Variants in TRIP12 observed in about 807,000 individuals in gnomAD.
TRIP12 encodes the protein thyroid hormone receptor interactor 12.
TRIP12 carries 25 observed loss-of-function variants against 244.2 expected under a neutral mutation model. The ratio of observed to expected loss-of-function variants is 0.10; its 90% confidence interval spans 0.07 to 0.14. TRIP12 has a LOEUF of 0.14. Among genes scored for constraint, TRIP12 ranks in the 10% least tolerant of loss-of-function variants. TRIP12 has a pLI of 1.00. For missense variants in TRIP12, 1,677 were observed against 2,486.4 expected (o/e 0.67, Z 6.92); for synonymous variants, 905 against 873.1 (o/e 1.04, Z -0.64).
chr2:229,903,677 A>G (rs1221118374), intron 1 of TRIP12, among the ~76,000 whole-genome samples: 1 of 152,120 alleles, frequency 6.6e-6, no homozygotes, highest in South Asian at 2.1e-4. Flanking sequence ...AATGCAAGAT[A>G]CTCCAAGGTA....
Position 229,778,355 on chromosome 2 carries a change from G to A in TRIP12, c.5364+78C>T. On this transcript the variant is annotated intron_variant, in intron 36 of 41. Coordinates refer to ENST00000675903, the MANE Select transcript of TRIP12 (RefSeq NM_001348323.3). The surrounding 1 kb of genome is among the most constrained non-coding windows in gnomAD (Gnocchi z 4.1). ...AGAAGCATTGCTCTAAACTATAGCA[G>A]TAAACTACAGGGGACTGAGGTACTT... 2 of 1,539,500 alleles carry A rather than the reference G, an allele frequency of 1.3e-6. No individual in the cohort carries two copies. The highest frequency in any genetic ancestry group is 1.8e-6 in the Non-Finnish European group (2 of 1,127,112).
intron 1 of TRIP12, among the ~76,000 whole-genome samples, chr2:229,914,377 T>TGG (rs1487772570): frequency 7.2e-5 from 11 of 152,104 alleles, no homozygotes; most frequent in Admixed American, 5.9e-4. Flanking sequence ...TACGAAACAC[T>TGG]GGGGTCTGAG....
intron 4 of TRIP12, among the ~76,000 whole-genome samples, chr2:229,858,053 A>C (rs981644394): frequency 6.6e-6 from 1 of 152,210 alleles, no homozygotes; most frequent in Non-Finnish European, 1.5e-5. Flanking sequence ...TCTACACATC[A>C]AGAATATCTC....
intron 1 of TRIP12, among the ~76,000 whole-genome samples, chr2:229,897,523 C>CT (rs1229980920): frequency 6.6e-6 from 1 of 152,288 alleles, no homozygotes; most frequent in East Asian, 1.9e-4. Context: ...TGGCATGCGC[C>CT]TGTAATCCCA....
chr2:229,811,092 A>G (rs1458243054), intron 14 of TRIP12, 44 bp downstream of exon 14: 1 of 1,613,634 alleles, frequency 6.2e-7, no homozygotes, highest in Non-Finnish European at 8.5e-7. Context: ...AGATTCAGCA[A>G]TTCAACAACC....
rs2042902720 is a variant in TRIP12, at chr2:229,796,735, T to C, written c.3672A>G (p.Ser1224=). ...ECLVEIRSIV[S]ESDVSSFEIQ... Reference sequence around the variant, plus strand: ...TTTCAAATGATGAAACATCTGACTCTGAGACTATGCTACGGATTTCTACAA... The same window carrying C: ...TTTCAAATGATGAAACATCTGACTCCGAGACTATGCTACGGATTTCTACAA... Residue 1224 remains serine, a synonymous_variant, in exon 25 of 42, where the codon TCA becomes TCG. Coordinates refer to ENST00000675903, the MANE Select transcript of TRIP12 (RefSeq NM_001348323.3). The C allele has an allele frequency of 1.9e-6, 3 of 1,607,956 alleles. No individual in the cohort carries two copies. The highest frequency in any genetic ancestry group is 1.7e-5 in the Admixed American group (1 of 58,030).
chr2:229,797,578 C>T (rs1030198095), intron 24 of TRIP12, 112 bp downstream of exon 24: 23 of 1,336,076 alleles, frequency 1.7e-5, no homozygotes, highest in East Asian at 4.7e-5. Flanking sequence ...AGGTAAAAGT[C>T]GATGTAGGAT....
Position 229,774,110 on chromosome 2 carries a change from T to G in TRIP12, c.5681A>C (p.Glu1894Ala), listed in dbSNP as rs1232466168. 1 of 1,613,840 alleles carries G rather than the reference T, an allele frequency of 6.2e-7. No homozygotes were observed. Reference sequence around the variant, plus strand: ...ACAGTTACATACTCTTAGATACTCCTCTAAATTGTGGATAGTGACTGGTAT... The same window carrying G: ...ACAGTTACATACTCTTAGATACTCCGCTAAATTGTGGATAGTGACTGGTAT... ...KDIPVTIHNL[E>A]EYLRLVIFWA... The change falls in exon 38 of 42, where the codon GAG (glutamate) becomes GCG (alanine). Residue 1894 changes from glutamate to alanine, a missense_variant. Coordinates refer to ENST00000675903, the MANE Select transcript of TRIP12 (RefSeq NM_001348323.3).
chr2:229,799,212 T>C, intron 22 of TRIP12, 71 bp downstream of exon 22: 1 of 1,567,372 alleles, frequency 6.4e-7, no homozygotes, highest in Admixed American at 1.7e-5. Context: ...CTGGCAGTTT[T>C]AATAAAGTAC....
At chr2:229,830,719 G>A in intron 7 of TRIP12, 37 bp downstream of exon 7, 1 of 1,555,620 alleles carries the variant, frequency 6.4e-7, no homozygotes, top group Non-Finnish European at 8.9e-7. Flanking sequence ...GGTAGCTCAT[G>A]GTAATGGTTT....
At position 229,859,422 on chromosome 2, in the gene TRIP12, T is replaced by C. The variant is rs148961677; in HGVS notation, c.377A>G (p.Asn126Ser). 4 of 1,614,058 alleles carry C rather than the reference T, an allele frequency of 2.5e-6. No individual in the cohort carries two copies. The highest frequency in any genetic ancestry group is 1.1e-5 in the South Asian group (1 of 91,086). Residue 126 changes from asparagine to serine, a missense_variant, in exon 4 of 42, where the codon AAT becomes AGT. This residue lies in a region of TRIP12 where 387 missense variants were observed against 392.6 expected (regional missense o/e 0.99). Coordinates refer to ENST00000675903, the MANE Select transcript of TRIP12 (RefSeq NM_001348323.3). The part of the protein sequence containing the change: ...RSASPDYNRT[N>S]SPSSAKKPKA... ...TGGTTTTTTTGCAGAGCTAGGAGAA[T>C]TGGTCCTGTTGTAGTCTGGACTAGC...
intron 1 of TRIP12, among the ~76,000 whole-genome samples, chr2:229,906,888 A>G (rs2073014145): frequency 6.6e-6 from 1 of 152,224 alleles, no homozygotes; most frequent in Non-Finnish European, 1.5e-5. Context: ...AATGTATGCC[A>G]TATCACACTG....
chr2:229,857,050 C>T (rs1362131690), intron 4 of TRIP12, among the ~76,000 whole-genome samples: 1 of 152,108 alleles, frequency 6.6e-6, no homozygotes. Flanking sequence ...TAGTTTTAGA[C>T]TGCAGTGTTA....
intron 26 of TRIP12, 24 bp from the exon 27 acceptor site, chr2:229,793,169 A>T: frequency 6.3e-7 from 1 of 1,599,584 alleles, no homozygotes; most frequent in African/African-American, 1.4e-5. Flanking sequence ...GTGAAAAAAA[A>T]GTTAGTCTAT....
intron 1 of TRIP12, among the ~76,000 whole-genome samples, chr2:229,909,497 G>A (rs1332445543): frequency 6.6e-6 from 1 of 151,880 alleles, no homozygotes; most frequent in Non-Finnish European, 1.5e-5. Flanking sequence ...GGTTAAGGCT[G>A]CAGTGAGCAG....
chr2:229,870,786 T>A (rs1342709266), intron 2 of TRIP12, among the ~76,000 whole-genome samples: 1 of 152,136 alleles, frequency 6.6e-6, no homozygotes, highest in South Asian at 2.1e-4. Context: ...GTATACTTCT[T>A]TCAAAAATCA....
At chr2:229,843,755 G>A (rs995424764) in intron 4 of TRIP12, among the ~76,000 whole-genome samples, 1 of 152,144 alleles carries the variant, frequency 6.6e-6, no homozygotes, top group Non-Finnish European at 1.5e-5. Flanking sequence ...GCTGGGCATG[G>A]TGATGCATGT....
intron 15 of TRIP12, among the ~76,000 whole-genome samples, chr2:229,810,144 G>A (rs962647762): frequency 6.6e-6 from 1 of 152,224 alleles, no homozygotes; most frequent in African/African-American, 2.4e-5. Context: ...AGGAAGGCCT[G>A]AGGCCAGGAC....
intron 4 of TRIP12, among the ~76,000 whole-genome samples, chr2:229,856,360 A>T (rs1180411379): frequency 6.6e-6 from 1 of 152,236 alleles, no homozygotes; most frequent in Non-Finnish European, 1.5e-5. Flanking sequence ...GTTTTATCAA[A>T]CCAGCAGCAA....
Sources: allele counts gnomAD v4.1 joint callset (sites outside exome capture counted in the v4.1 genomes callset), GRCh38; gene constraint gnomAD v4.1.1; regional missense constraint gnomAD v4.1.1; non-coding constraint Gnocchi (gnomAD v3.1); transcripts MANE v1.5; gene names NCBI Gene and HGNC (gene_info 2026-07-23, HGNC 2026-07-21).